The following SLC3A1 variants were observed in gnomAD, a reference collection of about 807,000 sequenced individuals.
The protein encoded by SLC3A1 is solute carrier family 3 member 1.
In SLC3A1, 78 loss-of-function variants were observed where a neutral mutation model predicts 60.3. The observed-to-expected ratio is 1.29, with a 90% confidence interval of 1.08 to 1.56. The LOEUF is 1.56. Ranked by LOEUF, SLC3A1 falls within the 40% of genes most tolerant of loss-of-function variation. SLC3A1 has a pLI of 0.00. For missense variants in SLC3A1, 1,172 were observed against 858.9 expected, an observed-to-expected ratio of 1.36 and a Z score of -4.56; for synonymous variants, 392 against 307.9, an observed-to-expected ratio of 1.27 and a Z score of -2.86.
At chr2:44,296,816 G>A (rs1249920935) in intron 4 of SLC3A1, among the ~76,000 whole-genome samples, 1 of 152,168 alleles carries the variant, frequency 6.6e-6, no homozygotes, top group Non-Finnish European at 1.5e-5. Context: ...AGCAGGTGGA[G>A]ATAATTGAAT....
At chr2:44,302,217 G>A (rs1006704695) in intron 6 of SLC3A1, among the ~76,000 whole-genome samples, 3 of 152,176 alleles carry the variant, frequency 2.0e-5, no homozygotes, top group Non-Finnish European at 4.4e-5. Context: ...CTGCTCTGTA[G>A]CTGTGTGACC....
chr2:44,317,101 G>C (rs1672491607), intron 9 of SLC3A1, among the ~76,000 whole-genome samples: 1 of 152,042 alleles, frequency 6.6e-6, no homozygotes, highest in East Asian at 1.9e-4. Context: ...ACAGGAAAAA[G>C]AGTAACTCTA....
chr2:44,299,547 T>C (rs986603170), intron 4 of SLC3A1, among the ~76,000 whole-genome samples: 5 of 152,212 alleles, frequency 3.3e-5, no homozygotes, highest in Non-Finnish European at 5.9e-5. Flanking sequence ...GAGTGAAATA[T>C]TTAACTATTG....
intron 6 of SLC3A1, 188 bp downstream of exon 6, chr2:44,301,315 TCA>T (rs1292292130): frequency 1.7e-5 from 12 of 727,138 alleles, no homozygotes; most frequent in South Asian, 8.1e-5. Flanking sequence ...TTGCTGACTT[TCA>T]GTTTCCTCTT....
intron 7 of SLC3A1, among the ~76,000 whole-genome samples, chr2:44,305,266 C>T (rs1672123612): frequency 6.6e-6 from 1 of 152,074 alleles, no homozygotes; most frequent in Admixed American, 6.6e-5. Context: ...TCTGATTTTT[C>T]TGTCTTTGGG....
chr2:44,298,397 G>A (rs1414396387), intron 4 of SLC3A1, among the ~76,000 whole-genome samples: 1 of 150,774 alleles, frequency 6.6e-6, no homozygotes, highest in Non-Finnish European at 1.5e-5. Flanking sequence ...TTTTTTTCTT[G>A]AAACAGGATC....
chr2:44,283,934 T>C (rs1671553719), intron 3 of SLC3A1, among the ~76,000 whole-genome samples: 1 of 152,038 alleles, frequency 6.6e-6, no homozygotes, highest in South Asian at 2.1e-4. Flanking sequence ...TACATTTTCA[T>C]TGTTGTATAT....
At chr2:44,317,631 G>A (rs1672533322) in intron 9 of SLC3A1, 1 of 151,938 alleles carries the variant, frequency 6.6e-6, no homozygotes, top group African/African-American at 2.4e-5. Context: ...TAATTTTAAT[G>A]GTAAAATTAG....
intron 6 of SLC3A1, among the ~76,000 whole-genome samples, chr2:44,302,440 T>C (rs1255978482): frequency 1.3e-5 from 2 of 152,222 alleles, no homozygotes; most frequent in African/African-American, 4.8e-5. Context: ...TTCATCTCCT[T>C]AAAGTAGGTA....
In SLC3A1 at chr2:44,275,971, T is replaced by C. The variant is rs773534270; in HGVS notation, c.430+6T>C. The C allele has an allele frequency of 3.1e-6, 5 of 1,613,526 alleles. No individual in the cohort carries two copies. The Admixed American group carries it at 8.3e-5, about 27-fold the overall frequency. On this transcript the variant is annotated splice_donor_region_variant and intron_variant, in intron 1 of 9. Coordinates refer to ENST00000260649, the MANE Select transcript of SLC3A1 (RefSeq NM_000341.4). ...TGGGAACGGAGATCTGAAAGGTACA[T>C]GCCCAGAGATCATTTAGGGTGGGTG...
chr2:44,303,906 G>A, intron 6 of SLC3A1: 1 of 616,070 alleles, frequency 1.6e-6, no homozygotes, highest in South Asian at 1.9e-5. Flanking sequence ...CAAAGGACAT[G>A]GACTCATCCT....
intron 2 of SLC3A1, 98 bp from the exon 3 acceptor site, chr2:44,281,289 A>G: frequency 1.9e-6 from 2 of 1,048,224 alleles, no homozygotes; most frequent in Non-Finnish European, 2.9e-6. Flanking sequence ...CTCCCAGTGT[A>G]TTGGGGTTAC....
intron 6 of SLC3A1, among the ~76,000 whole-genome samples, chr2:44,301,794 T>C (rs1672018793): frequency 6.8e-6 from 1 of 147,258 alleles, no homozygotes; most frequent in African/African-American, 2.5e-5. Flanking sequence ...CTGGGTGCGG[T>C]AGCTCATGCC....
chr2:44,308,136 T>A (rs1672203602), intron 7 of SLC3A1, among the ~76,000 whole-genome samples: 1 of 152,156 alleles, frequency 6.6e-6, no homozygotes, highest in Admixed American at 6.5e-5. Context: ...AGACCCCGTC[T>A]CTAAATGTAA....
chr2:44,313,028 A>ATTT (rs1672338643), intron 8 of SLC3A1, among the ~76,000 whole-genome samples: 1 of 151,784 alleles, frequency 6.6e-6, no homozygotes, highest in African/African-American at 2.4e-5. Flanking sequence ...AAATTTATTT[A>ATTT]TTTATTTTGC....
intron 4 of SLC3A1, among the ~76,000 whole-genome samples, chr2:44,291,512 C>T (rs1235461968): frequency 6.6e-6 from 1 of 152,108 alleles, no homozygotes; most frequent in Non-Finnish European, 1.5e-5. Context: ...AGAGATTAGA[C>T]TTTATTTGCA....
At chr2:44,296,932 G>A (rs1398588351) in intron 4 of SLC3A1, among the ~76,000 whole-genome samples, 1 of 152,188 alleles carries the variant, frequency 6.6e-6, no homozygotes, top group Non-Finnish European at 1.5e-5. Flanking sequence ...CATGTAAGAT[G>A]TGACTTTGCT....
chr2:44,300,572 T>C (rs1287901895), intron 5 of SLC3A1, among the ~76,000 whole-genome samples: 1 of 152,072 alleles, frequency 6.6e-6, no homozygotes, highest in Non-Finnish European at 1.5e-5. Flanking sequence ...CGAGAAAGTA[T>C]AACAGTTAGG....
At position 44,275,482 on chromosome 2, in the gene SLC3A1, T is replaced by A. The variant is rs1050815603; in HGVS notation, c.-54T>A. 9.0e-6 allele frequency: 13 copies of A among 1,437,990 alleles called. No individual in the cohort carries two copies. The highest frequency in any genetic ancestry group is 1.4e-5 in the African/African-American group (1 of 71,490). The allele number at this position is 1,437,990 out of a possible 1,614,324, so 89.1% of individuals were successfully genotyped here. ...CAAGACCAAGCATTCAGCAAGCCAC[T>A]CTTCCACCTCCCTTACTGCAGGAAG... On this transcript the variant is annotated 5_prime_UTR_variant, in exon 1 of 10. Coordinates refer to ENST00000260649, the MANE Select transcript of SLC3A1 (RefSeq NM_000341.4).
Sources: allele counts gnomAD v4.1 joint callset (sites outside exome capture counted in the v4.1 genomes callset), GRCh38; gene constraint gnomAD v4.1.1; transcripts MANE v1.5; gene names NCBI Gene and HGNC (gene_info 2026-07-23, HGNC 2026-07-21).